DLGAP4: variants seen among roughly 807,000 people sequenced by gnomAD.
DLGAP4 encodes the protein disks large-associated protein 4.
Under a neutral mutation model 86.9 loss-of-function variants are expected in DLGAP4, and 18 were observed. The ratio of observed to expected loss-of-function variants is 0.21; its 90% CI spans 0.14 to 0.31. The LOEUF (loss-of-function observed/expected upper bound fraction) is 0.31, where lower values mean the gene tolerates loss of function less well. DLGAP4 is among the 10% of genes least tolerant of loss of function. The probability of loss-of-function intolerance (pLI) is 1.00; values close to 1 mark genes in which losing one functional copy is unlikely to be tolerated. For synonymous variants in DLGAP4, 548 were observed against 574.3 expected (o/e 0.95, Z 0.65); for missense variants, 1,085 against 1,362.6 (o/e 0.80, Z 3.21).
At chr20:36,385,887 C>T (rs1281275414) in intron 2 of DLGAP4, among the ~76,000 whole-genome samples, 1 of 152,182 alleles carries the variant, frequency 6.6e-6, no homozygotes, top group Non-Finnish European at 1.5e-5. Flanking sequence ...AGATCTGCCT[C>T]CCCACTTCAG....
intron 7 of DLGAP4, chr20:36,461,206 C>G (rs1346481650): frequency 6.6e-6 from 1 of 151,778 alleles, no homozygotes; most frequent in Non-Finnish European, 1.5e-5. Context: ...CGACCCCACC[C>G]CCACCCCCCC....
At chr20:36,499,398 C>A in intron 8 of DLGAP4, 190 bp from the exon 9 acceptor site, 1 of 1,496,130 alleles carries the variant, frequency 6.7e-7, no homozygotes, top group Admixed American at 1.9e-5. Flanking sequence ...CGCCTCCACG[C>A]GAATGAGCAG....
chr20:36,410,033 CAAAAA>C (rs11475768), intron 2 of DLGAP4, among the ~76,000 whole-genome samples: 1 of 94,764 alleles, frequency 1.1e-5, no homozygotes, highest in African/African-American at 3.9e-5. Context: ...GACTCCGTCT[CAAAAA>C]AAAAAAAAAA....
Position 36,527,482 on chromosome 20 carries a change from A to C in DLGAP4, c.*451A>C, listed in dbSNP as rs2037841110. On this transcript the variant is annotated 3_prime_UTR_variant, in exon 13 of 13. Transcript: ENST00000339266. ...CGCTCTGACCTTGATTTTCATTCTTATGTTTTTCTCTTTTCCCTTCAGAGC... is the reference window on the plus strand; with the variant it reads ...CGCTCTGACCTTGATTTTCATTCTTCTGTTTTTCTCTTTTCCCTTCAGAGC... The C allele has an allele frequency of 6.5e-6, 1 of 154,274 alleles. No homozygotes were observed. The allele number at this position is 154,274 out of a possible 1,614,324, so 9.6% of individuals were successfully genotyped here. A position where few individuals can be genotyped will look rare whatever the true frequency, so the allele number is the denominator to read the frequency against.
At chr20:36,439,613 A>T in intron 4 of DLGAP4, 141 bp from the exon 5 acceptor site, 2 of 679,480 alleles carry the variant, frequency 2.9e-6, no homozygotes, top group Non-Finnish European at 5.2e-6. Context: ...AAACAGTCAA[A>T]TACAAGCTGG....
intron 2 of DLGAP4, among the ~76,000 whole-genome samples, chr20:36,420,697 G>A (rs190257475): frequency 6.2e-4 from 94 of 152,222 alleles, no homozygotes; most frequent in Middle Eastern, 6.8e-3. Flanking sequence ...AATTAGGCTG[G>A]GTGTGGTAGC....
chr20:36,313,654 G>C (rs1373132097), intron 1 of DLGAP4, among the ~76,000 whole-genome samples: 3 of 152,100 alleles, frequency 2.0e-5, no homozygotes, highest in Non-Finnish European at 4.4e-5. Context: ...GATAGAGTCA[G>C]GGCTCTCTGC....
At chr20:36,462,595 G>T in intron 7 of DLGAP4, 1 of 1,597,956 alleles carries the variant, frequency 6.3e-7, no homozygotes, top group Non-Finnish European at 8.5e-7. Flanking sequence ...AGCTCTTGAA[G>T]CAATGTGAGT....
At chr20:36,443,131 G>C (rs2033495718) in intron 6 of DLGAP4, among the ~76,000 whole-genome samples, 1 of 152,164 alleles carries the variant, frequency 6.6e-6, no homozygotes, top group Non-Finnish European at 1.5e-5. Flanking sequence ...TCAGGGGCTG[G>C]GGGCTGATGA....
intron 2 of DLGAP4, among the ~76,000 whole-genome samples, chr20:36,406,086 G>C (rs2032309705): frequency 6.6e-6 from 1 of 152,156 alleles, no homozygotes; most frequent in South Asian, 2.1e-4. Flanking sequence ...TTGGTGGGGA[G>C]TTGGGTGGCA....
chr20:36,497,380 C>A (rs1343273870), intron 8 of DLGAP4: 10 of 1,207,532 alleles, frequency 8.3e-6, no homozygotes, highest in Non-Finnish European at 9.3e-6. Context: ...TGTCTGTCCA[C>A]TCCACCCTTT....
chr20:36,326,804 TGC>T (rs2065219506), intron 1 of DLGAP4, among the ~76,000 whole-genome samples: 1 of 152,096 alleles, frequency 6.6e-6, no homozygotes, highest in Admixed American at 6.6e-5. Flanking sequence ...GTCTTTATTT[TGC>T]CTTCATTTTT....
intron 2 of DLGAP4, among the ~76,000 whole-genome samples, chr20:36,421,736 C>A (rs1003949927): frequency 6.6e-6 from 1 of 151,972 alleles, no homozygotes; most frequent in African/African-American, 2.4e-5. Flanking sequence ...TGAGTAGAAT[C>A]GGGGCAGACT....
Position 36,350,409 on chromosome 20 carries a change from T to A in DLGAP4, c.-303-16636T>A, listed in dbSNP as rs1258916621. 1.3e-5 allele frequency among the ~76,000 whole-genome samples: 2 copies of A among 152,052 alleles called. No individual in the cohort carries two copies. The highest frequency in any genetic ancestry group is 2.9e-5 in the Non-Finnish European group (2 of 67,986). On this transcript the variant is annotated intron_variant, in intron 1 of 12. Transcript: ENST00000339266. The surrounding 1 kb of genome is among the most constrained non-coding windows in gnomAD (Gnocchi z 4.4). ...TCCACCTGGCCCTGAGGAGGCCCCTTCTCCATCCCCAGCACCTGCCCCATC... is the reference window on the plus strand; with the variant it reads ...TCCACCTGGCCCTGAGGAGGCCCCTACTCCATCCCCAGCACCTGCCCCATC...
rs200729475 is a variant in DLGAP4 at position 36,457,375 on chromosome 20, C to T, written c.1648+10438C>T. 1.0e-3 allele frequency among the ~76,000 whole-genome samples: 155 copies of T among 151,146 alleles called. No homozygotes were observed. The East Asian group carries it at 0.022, about 22-fold the overall frequency. On this transcript the variant is annotated intron_variant, in intron 7 of 12. Transcript: ENST00000339266. The stretch of plus-strand genomic sequence containing the variant: ...CTGGGACTACAGGCGCTCGCCACCA[C>T]GCCCGGCTAATTTTTTTTTTTTTTT...
At chr20:36,508,349 A>G (rs1217931825) in intron 10 of DLGAP4, 1 of 150,506 alleles carries the variant, frequency 6.6e-6, no homozygotes, top group Non-Finnish European at 1.5e-5. Flanking sequence ...ATAGAGATCT[A>G]GTTCATTTCT....
intron 1 of DLGAP4, among the ~76,000 whole-genome samples, chr20:36,360,273 C>T (rs1170367120): frequency 6.6e-6 from 1 of 152,198 alleles, no homozygotes; most frequent in Non-Finnish European, 1.5e-5. Flanking sequence ...CTGTTTAGCT[C>T]CACAGAGTCA....
At chr20:36,376,902 A>G (rs770880840) in intron 2 of DLGAP4, among the ~76,000 whole-genome samples, 18 of 152,206 alleles carry the variant, frequency 1.2e-4, no homozygotes, top group Non-Finnish European at 2.4e-4. Flanking sequence ...CAGGTTCTCC[A>G]CGGTGCCTGG....
chr20:36,307,637 G>T (rs1314528769), intron 1 of DLGAP4, among the ~76,000 whole-genome samples: 2 of 152,162 alleles, frequency 1.3e-5, no homozygotes, highest in African/African-American at 4.8e-5. Flanking sequence ...TGGGGAGAGG[G>T]TTCCTGGCAC....
Sources: gnomAD v4.1 joint callset for allele counts (sites outside exome capture counted in the v4.1 genomes callset) on GRCh38, gnomAD v4.1.1 for gene constraint, Gnocchi (gnomAD v3.1) non-coding constraint, MANE v1.5 for transcripts, NCBI Gene and HGNC (gene_info 2026-07-23, HGNC 2026-07-21) for gene names.